The following CADM2 variants were observed in gnomAD, a reference collection of about 807,000 sequenced individuals.
CADM2 encodes cell adhesion molecule 2.
In CADM2, 12 loss-of-function variants were observed where a neutral mutation model predicts 49.8. That is an observed-to-expected ratio of 0.24 (90% CI 0.15 to 0.39). The LOEUF is 0.39. CADM2 is among the 10% of genes least tolerant of loss of function. The pLI, the probability that CADM2 is intolerant of heterozygous loss-of-function variation, is 1.00. For missense variants in CADM2, 378 were observed against 492.3 expected (o/e 0.77, Z 2.20); for synonymous variants, 214 against 175.4 (o/e 1.22, Z -1.74).
At chr3:86,029,985 A>G (rs570720181) in intron 8 of CADM2, among the ~76,000 whole-genome samples, 4 of 152,004 alleles carry the variant, frequency 2.6e-5, no homozygotes, top group Non-Finnish European at 5.9e-5. Context: ...ACAAACACAA[A>G]CAATTTAATC....
chr3:85,637,106 TA>T (rs1422419217), intron 1 of CADM2, among the ~76,000 whole-genome samples: 2 of 152,230 alleles, frequency 1.3e-5, no homozygotes, highest in African/African-American at 4.8e-5. Flanking sequence ...CTGGCATGAT[TA>T]AATCATGTAT....
At chr3:85,226,386 C>A (rs1480780162) in intron 1 of CADM2, among the ~76,000 whole-genome samples, 4 of 151,938 alleles carry the variant, frequency 2.6e-5, no homozygotes, top group Non-Finnish European at 5.9e-5. Flanking sequence ...TCCATTTCTT[C>A]TAGACTTTGT....
At chr3:85,137,694 G>T (rs892749511) in intron 1 of CADM2, among the ~76,000 whole-genome samples, 18 of 152,038 alleles carry the variant, frequency 1.2e-4, no homozygotes, top group Non-Finnish European at 1.9e-4. Flanking sequence ...GTGTTTAAAT[G>T]CACGACAGTA....
intron 1 of CADM2, among the ~76,000 whole-genome samples, chr3:85,232,388 A>G (rs1485260087): frequency 6.6e-6 from 1 of 152,112 alleles, no homozygotes; most frequent in Non-Finnish European, 1.5e-5. Flanking sequence ...TCTTTAAAAA[A>G]GTTTTCTCTG....
At chr3:85,439,202 G>C (rs969438554) in intron 1 of CADM2, among the ~76,000 whole-genome samples, 1 of 148,020 alleles carries the variant, frequency 6.8e-6, no homozygotes, top group Non-Finnish European at 1.5e-5. Flanking sequence ...TGCCCAAGCT[G>C]GAGTGTAATG....
chr3:85,004,250 G>A (rs1001005252), intron 1 of CADM2, among the ~76,000 whole-genome samples: 1 of 152,084 alleles, frequency 6.6e-6, no homozygotes, highest in Admixed American at 6.6e-5. Context: ...GCGTTTGCTG[G>A]TTAACACATA....
chr3:85,010,470 G>A (rs184163461), intron 1 of CADM2, among the ~76,000 whole-genome samples: 1 of 152,256 alleles, frequency 6.6e-6, no homozygotes, highest in East Asian at 1.9e-4. Context: ...AGGGCTAAGA[G>A]CACTTCTACC....
intron 1 of CADM2, among the ~76,000 whole-genome samples, chr3:85,039,012 A>G (rs1205601833): frequency 6.6e-6 from 1 of 152,116 alleles, no homozygotes; most frequent in Non-Finnish European, 1.5e-5. Flanking sequence ...TGTTGTTTTC[A>G]TTATTTTCTT....
At chr3:85,832,562 C>G in intron 3 of CADM2, among the ~76,000 whole-genome samples, 1 of 150,926 alleles carries the variant, frequency 6.6e-6, no homozygotes, top group Non-Finnish European at 1.5e-5. Flanking sequence ...GGTATTTTTT[C>G]TAGGTATCAT....
intron 3 of CADM2, among the ~76,000 whole-genome samples, chr3:85,873,371 A>C (rs762882298): frequency 1.3e-5 from 2 of 152,230 alleles, no homozygotes; most frequent in Non-Finnish European, 2.9e-5. Context: ...AAATACTTCA[A>C]AAAGTAGGAT....
chr3:85,257,864 T>A (rs1320861923), intron 1 of CADM2, among the ~76,000 whole-genome samples: 1 of 152,126 alleles, frequency 6.6e-6, no homozygotes, highest in African/African-American at 2.4e-5. Flanking sequence ...AAAATTAAAA[T>A]GAAATGACAG....
intron 3 of CADM2, among the ~76,000 whole-genome samples, chr3:85,859,606 C>T (rs1289480402): frequency 6.6e-6 from 1 of 152,130 alleles, no homozygotes; most frequent in Non-Finnish European, 1.5e-5. Context: ...TCTCACTAGA[C>T]ACTCATCCTC....
chr3:85,445,686 G>T (rs2037415387), intron 1 of CADM2, among the ~76,000 whole-genome samples: 2 of 151,982 alleles, frequency 1.3e-5, no homozygotes, highest in Non-Finnish European at 2.9e-5. Context: ...CCATCTCAAG[G>T]AATTAATAGT....
intron 3 of CADM2, among the ~76,000 whole-genome samples, chr3:85,831,459 C>A (rs777705810): frequency 6.6e-6 from 1 of 151,928 alleles, no homozygotes; most frequent in Non-Finnish European, 1.5e-5. Context: ...CAGTTTGTAA[C>A]GGTTCCCTTT....
chr3:85,557,427 G>T (rs2061987869), intron 1 of CADM2, among the ~76,000 whole-genome samples: 1 of 151,640 alleles, frequency 6.6e-6, no homozygotes, highest in African/African-American at 2.4e-5. Flanking sequence ...ATTTTAGGTT[G>T]GGGTTTTTTC....
intron 1 of CADM2, among the ~76,000 whole-genome samples, chr3:85,024,912 T>C (rs973708615): frequency 2.6e-5 from 4 of 152,016 alleles, no homozygotes; most frequent in Non-Finnish European, 5.9e-5. Flanking sequence ...TTACAAAATA[T>C]AAAATCCTGT....
At chr3:85,074,882 T>G (rs536166120) in intron 1 of CADM2, among the ~76,000 whole-genome samples, 1 of 152,080 alleles carries the variant, frequency 6.6e-6, no homozygotes, top group South Asian at 2.1e-4. Flanking sequence ...TCAACTTTCC[T>G]TCCATTTTTA....
intron 1 of CADM2, among the ~76,000 whole-genome samples, chr3:85,680,531 G>A (rs1261374850): frequency 6.6e-6 from 1 of 152,080 alleles, no homozygotes; most frequent in African/African-American, 2.4e-5. Context: ...TATCTTGGCA[G>A]CTTTATGTGC....
intron 1 of CADM2, among the ~76,000 whole-genome samples, chr3:85,722,750 T>C (rs1321567566): frequency 6.6e-6 from 1 of 152,180 alleles, no homozygotes; most frequent in Admixed American, 6.5e-5. Flanking sequence ...TGACTAGTCA[T>C]ATCAGTCTTG....
Sources: allele counts gnomAD v4.1 joint callset (sites outside exome capture counted in the v4.1 genomes callset), GRCh38; gene constraint gnomAD v4.1.1; transcripts MANE v1.5; gene names NCBI Gene and HGNC (gene_info 2026-07-23, HGNC 2026-07-21).